CACNA1D: variants seen among roughly 807,000 people sequenced by gnomAD.
CACNA1D encodes voltage-dependent L-type calcium channel subunit alpha-1D.
Under a neutral mutation model 257.1 loss-of-function variants are expected in CACNA1D, and 55 were observed. That is an observed-to-expected ratio of 0.21 (90% CI 0.17 to 0.27). CACNA1D has a LOEUF of 0.27. Ranked by LOEUF, CACNA1D falls within the 10% of genes least tolerant of loss-of-function variation. The probability of loss-of-function intolerance (pLI) is 1.00; values close to 1 mark genes in which losing one functional copy is unlikely to be tolerated. For missense variants in CACNA1D, 1,876 were observed against 2,784.0 expected (o/e 0.67, Z 7.34); for synonymous variants, 980 against 1,014.9 (o/e 0.97, Z 0.65).
intron 3 of CACNA1D, among the ~76,000 whole-genome samples, chr3:53,612,604 CAA>C (rs1044612896): frequency 6.6e-6 from 1 of 152,222 alleles, no homozygotes; most frequent in Non-Finnish European, 1.5e-5. Context: ...TAGTATTCAG[CAA>C]AGACTGGAGG....
chr3:53,619,082 T>A (rs1455243441), intron 3 of CACNA1D, among the ~76,000 whole-genome samples: 1 of 152,182 alleles, frequency 6.6e-6, no homozygotes, highest in Non-Finnish European at 1.5e-5. Context: ...GAAACAACGC[T>A]GTAAAGTATT....
chr3:53,702,364 T>C (rs563189967), intron 8 of CACNA1D, among the ~76,000 whole-genome samples: 2 of 152,312 alleles, frequency 1.3e-5, no homozygotes, highest in Non-Finnish European at 2.9e-5. Context: ...GTTTTGGGCC[T>C]AGGCCCCTTG....
chr3:53,560,766 T>G (rs185804113), intron 3 of CACNA1D, among the ~76,000 whole-genome samples: 2 of 152,372 alleles, frequency 1.3e-5, no homozygotes, highest in Admixed American at 1.3e-4. Context: ...TTTTTTGATT[T>G]CTTACAACCG....
At chr3:53,593,092 G>A (rs72966332) in intron 3 of CACNA1D, among the ~76,000 whole-genome samples, 2,597 of 152,254 alleles carry the variant, frequency 0.017, 73 homozygotes, top group African/African-American at 0.059. Flanking sequence ...TTCACGGTCT[G>A]GGGGAGCTAA....
intron 3 of CACNA1D, among the ~76,000 whole-genome samples, chr3:53,552,286 G>A (rs747876320): frequency 4.6e-5 from 7 of 152,208 alleles, no homozygotes; most frequent in Non-Finnish European, 8.8e-5. Context: ...TCCCAGAGGT[G>A]TAAGGGCTGG....
intron 39 of CACNA1D, 177 bp downstream of exon 39, chr3:53,781,844 A>G (rs1280669287): frequency 3.1e-6 from 2 of 646,702 alleles, no homozygotes; most frequent in Admixed American, 2.3e-5. Flanking sequence ...GGGTGATATG[A>G]AGAACATTCC....
At chr3:53,762,482 C>T (rs2095309300) in intron 30 of CACNA1D, 3 of 449,484 alleles carry the variant, frequency 6.7e-6, no homozygotes, top group Non-Finnish European at 1.3e-5. Context: ...TTTTGTAACA[C>T]TGTCCTTTTC....
rs1434926363 is a variant in CACNA1D, at chr3:53,731,141, A to C, written c.2401A>C (p.Asn801His). 6.2e-7 allele frequency: 1 copy of C among 1,604,044 alleles called. No individual in the cohort carries two copies. ...AGTCAACCAGATAGCCAACAGTGAC[A>C]ACAAGGTATGTATTCTAAGATGCTT... is the stretch of plus-strand genomic sequence containing the variant. ...PEVNQIANSDNKVTIDDYREE... is the reference protein window; with the variant it reads ...PEVNQIANSDHKVTIDDYREE... Residue 801 changes from asparagine (N) to histidine (H), a missense_variant, in exon 17 of 48, where the codon AAC (asparagine) becomes CAC (histidine). Around this residue, in one of 10 missense-constraint regions of CACNA1D, gnomAD observed 78 missense variants for 69.2 expected, o/e 1.13. Coordinates refer to ENST00000350061, the MANE Select transcript of CACNA1D (RefSeq NM_001128840.3).
At chr3:53,630,119 C>T (rs1044412534) in intron 3 of CACNA1D, among the ~76,000 whole-genome samples, 7 of 152,152 alleles carry the variant, frequency 4.6e-5, no homozygotes, top group Non-Finnish European at 8.8e-5. Flanking sequence ...ATTATTTTAA[C>T]GTGGAATATA....
chr3:53,540,849 C>T (rs2092279172), intron 3 of CACNA1D, among the ~76,000 whole-genome samples: 1 of 152,108 alleles, frequency 6.6e-6, no homozygotes, highest in African/African-American at 2.4e-5. Context: ...TCAAGCGATT[C>T]TCTGGCCTCA....
chr3:53,568,793 T>C (rs2092894051), intron 3 of CACNA1D, among the ~76,000 whole-genome samples: 1 of 152,248 alleles, frequency 6.6e-6, no homozygotes, highest in East Asian at 1.9e-4. Flanking sequence ...TTTTCCTGTA[T>C]GGCTAAATAC....
chr3:53,616,350 A>G (rs967151333), intron 3 of CACNA1D, among the ~76,000 whole-genome samples: 1 of 152,214 alleles, frequency 6.6e-6, no homozygotes, highest in African/African-American at 2.4e-5. Context: ...AGGTGGGGGA[A>G]GGGACAACAT....
At chr3:53,796,444 T>TG in intron 40 of CACNA1D, 1 of 454,674 alleles carries the variant, frequency 2.2e-6, no homozygotes, top group Non-Finnish European at 4.4e-6. Context: ...ATGCTTGCTG[T>TG]GGCGCTGTGA....
At chr3:53,787,148 C>T (rs566691277) in intron 40 of CACNA1D, among the ~76,000 whole-genome samples, 196 bp downstream of exon 40, 2 of 152,142 alleles carry the variant, frequency 1.3e-5, no homozygotes, top group Non-Finnish European at 2.9e-5. Flanking sequence ...CGATGCCTAC[C>T]CCATAGAGCC....
Position 53,495,610 on chromosome 3 carries a change from C to A in CACNA1D, c.67+377C>A, listed in dbSNP as rs936895798. On this transcript the variant is annotated intron_variant, in intron 1 of 47. Coordinates refer to ENST00000350061, the MANE Select transcript of CACNA1D (RefSeq NM_001128840.3). The surrounding 1 kb of genome is among the most constrained non-coding windows in gnomAD (Gnocchi z 5.1). ...CGGAGCCCCCTTGCCAGCCTCTTCT[C>A]GCCTTCCACTCCTCCCCCGCCCCCT... Among the ~76,000 whole-genome samples, 4 of 152,256 alleles carry A rather than the reference C, an allele frequency of 2.6e-5. No homozygotes were observed. Among genetic ancestry groups the A allele is most frequent in the South Asian group, 2.1e-4 (1 of 4,824 alleles).
At position 53,616,180 on chromosome 3, in the gene CACNA1D, C is replaced by A. The variant is rs568741568; in HGVS notation, c.484-34599C>A. On this transcript the variant is annotated intron_variant, in intron 3 of 47. Coordinates refer to ENST00000350061, the MANE Select transcript of CACNA1D (RefSeq NM_001128840.3). ...AATTGTGAATGCTAAGGGCTGTGCA[C>A]GTAGCAGGGTTGAGGTATGATGTGT... Among the ~76,000 whole-genome samples the A allele has an allele frequency of 1.3e-4, 20 of 152,240 alleles. No homozygotes were observed. In the South Asian group the frequency reaches 1.9e-3, roughly 14 times the overall value.
chr3:53,808,940 T>G (rs1479314955), intron 46 of CACNA1D, 170 bp downstream of exon 46: 5 of 702,200 alleles, frequency 7.1e-6, no homozygotes, highest in Non-Finnish European at 1.2e-5. Context: ...TGGCCATGAG[T>G]CCCATGCTGC....
Position 53,811,504 on chromosome 3 carries a change from G to C in CACNA1D, c.*98G>C. ...TTAGGAAAGTTTAGGCACTAGTTGG[G>C]AGTAATATTCAATTAATTAGACTTT... is the stretch of plus-strand genomic sequence containing the variant. On this transcript the variant is annotated 3_prime_UTR_variant, in exon 48 of 48. Coordinates refer to ENST00000350061, the MANE Select transcript of CACNA1D (RefSeq NM_001128840.3). This position sits in a 1 kb window ranked among gnomAD's most constrained non-coding sequence, Gnocchi z 4.2. The C allele has an allele frequency of 1.0e-6, 1 of 961,442 alleles. No individual in the cohort carries two copies. Among genetic ancestry groups the C allele is most frequent in the East Asian group, 2.7e-5 (1 of 37,612 alleles). The allele number at this position is 961,442 out of a possible 1,614,324, so 59.6% of individuals were successfully genotyped here. A position where few individuals can be genotyped will look rare whatever the true frequency, so the allele number is the denominator to read the frequency against.
At chr3:53,805,793 C>T (rs1457766163) in intron 45 of CACNA1D, among the ~76,000 whole-genome samples, 1 of 140,284 alleles carries the variant, frequency 7.1e-6, no homozygotes, top group African/African-American at 2.7e-5. Context: ...CTCATCTTCC[C>T]TCCTCCTCCT....
Sources: allele counts gnomAD v4.1 joint callset (sites outside exome capture counted in the v4.1 genomes callset), GRCh38; gene constraint gnomAD v4.1.1; regional missense constraint gnomAD v4.1.1; non-coding constraint Gnocchi (gnomAD v3.1); transcripts MANE v1.5; gene names NCBI Gene and HGNC (gene_info 2026-07-23, HGNC 2026-07-21).